Variants in STK32B observed in about 807,000 individuals in gnomAD.
STK32B encodes the protein serine/threonine-protein kinase 32B.
In STK32B, 43 loss-of-function variants were observed where a neutral mutation model predicts 52.6. The observed-to-expected ratio is 0.82, with a 90% confidence interval of 0.64 to 1.05. The LOEUF (loss-of-function observed/expected upper bound fraction) is 1.05, where lower values mean the gene tolerates loss of function less well. Among genes scored for constraint, STK32B ranks in the 50% least tolerant of loss-of-function variants. STK32B has a pLI of 0.00. For missense variants in STK32B, 621 were observed against 534.6 expected (o/e 1.16, Z -1.59); for synonymous variants, 238 against 204.3 (o/e 1.17, Z -1.41).
chr4:5,148,968 CCTT>C (rs1717133933), intron 2 of STK32B, among the ~76,000 whole-genome samples: 1 of 151,666 alleles, frequency 6.6e-6, no homozygotes, highest in Non-Finnish European at 1.5e-5. Context: ...TATAAAATAT[CCTT>C]CTCTTTTTCT....
intron 1 of STK32B, among the ~76,000 whole-genome samples, chr4:5,102,219 G>GA (rs1000131369): frequency 3.3e-5 from 5 of 152,308 alleles, no homozygotes; most frequent in Admixed American, 3.3e-4. Context: ...TTGTATCTGA[G>GA]AAGTGGCAGA....
chr4:5,357,983 G>A (rs1255437431), intron 4 of STK32B, among the ~76,000 whole-genome samples: 5 of 152,156 alleles, frequency 3.3e-5, no homozygotes, highest in African/African-American at 1.2e-4. Flanking sequence ...ACATGCAGAT[G>A]TGTCATTTAG....
At position 5,407,370 on chromosome 4, in the gene STK32B, C is replaced by T. The variant is rs534055904; in HGVS notation, c.472+9126C>T. Among the ~76,000 whole-genome samples, 124 of 152,262 alleles carry T rather than the reference C, an allele frequency of 8.1e-4. 1 individual carries two copies. The highest frequency in any genetic ancestry group is 2.9e-3 in the African/African-American group (121 of 41,532). Reference sequence around the variant, plus strand: ...TGTCTTCATCTGAGCCCTCCGCACTCTTCCAACCTCTGCCAGTTACCCAGT... The same window carrying T: ...TGTCTTCATCTGAGCCCTCCGCACTTTTCCAACCTCTGCCAGTTACCCAGT... On this transcript the variant is annotated intron_variant, in intron 5 of 11. Coordinates refer to ENST00000282908, the MANE Select transcript of STK32B (RefSeq NM_018401.3).
intron 3 of STK32B, among the ~76,000 whole-genome samples, chr4:5,274,658 T>C (rs1008198291): frequency 5.9e-5 from 9 of 152,204 alleles, no homozygotes; most frequent in East Asian, 1.9e-4. Flanking sequence ...AACCCCGGCA[T>C]TGGAGCTGGC....
intron 6 of STK32B, among the ~76,000 whole-genome samples, chr4:5,445,882 A>C (rs1367704359): frequency 7.1e-6 from 1 of 141,330 alleles, no homozygotes; most frequent in African/African-American, 2.6e-5. Flanking sequence ...TTGTGGATTT[A>C]CTCATTGTGG....
At chr4:5,253,309 C>G (rs1485411287) in intron 3 of STK32B, among the ~76,000 whole-genome samples, 3 of 152,084 alleles carry the variant, frequency 2.0e-5, no homozygotes, top group African/African-American at 7.2e-5. Flanking sequence ...AGGTGTTGTT[C>G]TTGGGCAAAG....
At chr4:5,030,611 T>C in the STK32B span, among the ~76,000 whole-genome samples, 1 of 152,208 alleles carries the variant, frequency 6.6e-6, no homozygotes, top group Non-Finnish European at 1.5e-5. Flanking sequence ...GTTGGTATTA[T>C]CACAGCCTCA....
Position 5,357,666 on chromosome 4 carries a change from G to C in STK32B, c.434+26273G>C, listed in dbSNP as rs114051669. Among the ~76,000 whole-genome samples the C allele has an allele frequency of 4.3e-3, 549 of 127,750 alleles. 3 individuals carry two copies. Among genetic ancestry groups the C allele is most frequent in the African/African-American group, 0.018 (532 of 30,120 alleles). The allele number at this position is 127,750 out of a possible 152,430, so 83.8% of individuals were successfully genotyped here. On this transcript the variant is annotated intron_variant, in intron 4 of 11. Transcript: ENST00000282908. ...AATGACATCTGGCCATAAGAATCAA[G>C]TACTTTTTAAATATTCACACATTCT...
chr4:5,331,272 GGAGGC>G lies in STK32B; in HGVS notation c.316_320del (p.Gly106ProfsTer22). 6.2e-7 allele frequency: 1 copy of G among 1,613,862 alleles called. No homozygotes were observed. The highest frequency in any genetic ancestry group is 1.1e-5 in the South Asian group (1 of 91,016). The stretch of plus-strand genomic sequence containing the variant: ...GTTCATGGTGGTGGACCTGCTCCTG[GGAGGC>G]GACCTGCGCTACCATCTGCAGCAGA... On this transcript the variant is annotated frameshift_variant, in exon 4 of 12. Transcript: ENST00000282908. LOFTEE classifies it high-confidence loss of function.
intron 9 of STK32B, among the ~76,000 whole-genome samples, chr4:5,466,322 A>C (rs2109164704): frequency 6.6e-6 from 1 of 152,342 alleles, no homozygotes; most frequent in South Asian, 2.1e-4. Flanking sequence ...TGTATTCTTA[A>C]GTTATTTAGA....
At chr4:5,288,472 G>A (rs1227750603) in intron 3 of STK32B, among the ~76,000 whole-genome samples, 1 of 152,084 alleles carries the variant, frequency 6.6e-6, no homozygotes, top group Non-Finnish European at 1.5e-5. Context: ...CGTGTTAAAT[G>A]TCCCTGATGA....
intron 3 of STK32B, among the ~76,000 whole-genome samples, chr4:5,305,560 G>A (rs1418242732): frequency 1.3e-5 from 2 of 151,750 alleles, no homozygotes; most frequent in Non-Finnish European, 2.9e-5. Context: ...CTCCCATTTC[G>A]TTTCTAATTG....
At chr4:5,382,868 G>T (rs1390467227) in intron 4 of STK32B, among the ~76,000 whole-genome samples, 1 of 152,176 alleles carries the variant, frequency 6.6e-6, no homozygotes, top group Admixed American at 6.5e-5. Flanking sequence ...CTGAGGCTCA[G>T]AGAGGTCAGG....
intron 2 of STK32B, among the ~76,000 whole-genome samples, chr4:5,162,263 C>G (rs920147481): frequency 2.0e-5 from 3 of 152,218 alleles, no homozygotes; most frequent in Non-Finnish European, 2.9e-5. Flanking sequence ...CGAGGACTTT[C>G]TTGAAGATTG....
intron 1 of STK32B, among the ~76,000 whole-genome samples, chr4:5,109,283 TATTC>T (rs982919755): frequency 6.6e-6 from 1 of 152,224 alleles, no homozygotes; most frequent in African/African-American, 2.4e-5. Context: ...CAGGGCTAGT[TATTC>T]ATTCATTCAT....
At chr4:5,458,100 C>T (rs545811270) in intron 8 of STK32B, among the ~76,000 whole-genome samples, 3 of 152,194 alleles carry the variant, frequency 2.0e-5, no homozygotes, top group Admixed American at 6.5e-5. Context: ...CTGTTAGAAA[C>T]GCACATCCTC....
chr4:5,351,040 G>A (rs538627214), intron 4 of STK32B, among the ~76,000 whole-genome samples: 2 of 152,106 alleles, frequency 1.3e-5, no homozygotes, highest in East Asian at 3.9e-4. Context: ...TATCCCACTT[G>A]CAGCATTAGA....
At chr4:5,079,885 C>G (rs895493329) in intron 1 of STK32B, among the ~76,000 whole-genome samples, 1 of 152,132 alleles carries the variant, frequency 6.6e-6, no homozygotes, top group Non-Finnish European at 1.5e-5. Context: ...ACTCCATGAT[C>G]TCACTTATAT....
chr4:5,328,837 G>A (rs754736565), intron 3 of STK32B, among the ~76,000 whole-genome samples: 2 of 152,126 alleles, frequency 1.3e-5, no homozygotes, highest in Non-Finnish European at 2.9e-5. Context: ...CAGCGAGGCT[G>A]TATTACTTAC....
Sources: allele counts gnomAD v4.1 joint callset (sites outside exome capture counted in the v4.1 genomes callset), GRCh38; gene constraint gnomAD v4.1.1; transcripts MANE v1.5; gene names NCBI Gene and HGNC (gene_info 2026-07-23, HGNC 2026-07-21).